The following ASB6 variants were observed in gnomAD, a reference collection of about 807,000 sequenced individuals.
ASB6 encodes ankyrin repeat and SOCS box protein 6.
A neutral mutation model predicts 28.6 loss-of-function variants in ASB6; 24 were observed. The observed-to-expected ratio is 0.84, with a 90% CI of 0.61 to 1.18. The LOEUF is 1.18. Ranked by LOEUF, ASB6 falls within the 50% of genes most tolerant of loss-of-function variation. ASB6 has a pLI of 0.00. For synonymous variants in ASB6, 267 were observed against 243.4 expected (o/e 1.10, Z -0.90); for missense variants, 519 against 559.8 (o/e 0.93, Z 0.74).
In ASB6 at chr9:129,639,413, G is replaced by A. The variant is rs1296654883; in HGVS notation, c.391C>T (p.Arg131Trp). ...GACCTGGCACTTACCCGGTCCCTCCGATTAACGTCGGCCCCGTGATGCACC... is the reference window on the plus strand; with the variant it reads ...GACCTGGCACTTACCCGGTCCCTCCAATTAACGTCGGCCCCGTGATGCACC... Reference protein sequence around the residue: ...LLVHHGADVNRRDRIHESSPL... With the variant: ...LLVHHGADVNWRDRIHESSPL... Residue 131 changes from arginine (R) to tryptophan (W), a missense_variant, in exon 3 of 6, where the codon CGG becomes TGG. Physicochemically the swap from Arg to Trp is moderately radical, Grantham distance 101. Transcript: ENST00000277458. 1.4e-5 allele frequency: 23 copies of A among 1,611,198 alleles called. No homozygotes were observed. The highest frequency in any genetic ancestry group is 3.3e-5 in the Admixed American group (2 of 59,874).
Position 129,636,331 on chromosome 9 carries a change from C to G in ASB6, c.*1459G>C, listed in dbSNP as rs2119001191. ...GGGTGAGCCCGGGAGGCAGAGCTTG[C>G]AGTGAGGTGAGATTGCGCCACTGCA... is the stretch of plus-strand genomic sequence containing the variant. On this transcript the variant is annotated 3_prime_UTR_variant, in exon 6 of 6. Transcript: ENST00000277458. 1 of 151,796 alleles carries G rather than the reference C, an allele frequency of 6.6e-6. No individual in the cohort carries two copies. Among genetic ancestry groups the G allele is most frequent in the East Asian group, 1.9e-4 (1 of 5,144 alleles). The allele number at this position is 151,796 out of a possible 1,614,324, so 9.4% of individuals were successfully genotyped here.
chr9:129,640,554 A>T lies in ASB6; in HGVS notation c.282T>A (p.Asn94Lys). The T allele has an allele frequency of 1.2e-6, 2 of 1,609,796 alleles. No individual in the cohort carries two copies. Among genetic ancestry groups the T allele is most frequent in the Non-Finnish European group, 1.7e-6 (2 of 1,178,816 alleles). Residue 94 changes from asparagine to lysine, a missense_variant, in exon 2 of 6, where the codon AAT becomes AAA. Physicochemically the swap from Asn to Lys is moderately conservative, Grantham distance 94. Coordinates refer to ENST00000277458, the MANE Select transcript of ASB6 (RefSeq NM_017873.4). ...GCTCTCGCTGACCTTCAAAGTTGAG[A>T]TTGGCCCCATGCCGCAAGAGAACGT... ...AADVLLRHGA[N>K]LNFEDPVTYY...
chr9:129,641,727 C>T (rs917770278), intron 1 of ASB6, among the ~76,000 whole-genome samples, 160 bp downstream of exon 1: 2 of 152,116 alleles, frequency 1.3e-5, no homozygotes, highest in African/African-American at 4.8e-5. Flanking sequence ...GAGTGGGATC[C>T]GCGCGGGGCA....
In ASB6 at chr9:129,638,466, G is replaced by A; in HGVS notation, c.599-9C>T. Reference sequence around the variant, plus strand: ...GGCCTTGACGTCTGCCCCTAGAAGAGCCATAGAACAAGAGATGCTGGGAGA... The same window carrying A: ...GGCCTTGACGTCTGCCCCTAGAAGAACCATAGAACAAGAGATGCTGGGAGA... On this transcript the variant is annotated splice_polypyrimidine_tract_variant and intron_variant, in intron 5 of 5. Coordinates refer to ENST00000277458, the MANE Select transcript of ASB6 (RefSeq NM_017873.4). The A allele has an allele frequency of 1.2e-6, 2 of 1,608,824 alleles. No homozygotes were observed. The highest frequency in any genetic ancestry group is 1.7e-6 in the Non-Finnish European group (2 of 1,176,076).
At position 129,637,691 on chromosome 9, in the gene ASB6, CT is replaced by C. The variant is rs572351581; in HGVS notation, c.*98del. 530 of 1,266,244 alleles carry C rather than the reference CT, an allele frequency of 4.2e-4. 2 individuals are homozygous for C. The South Asian group carries it at 4.5e-3, about 11-fold the overall frequency. 78.4% of individuals were successfully genotyped at this position (1,266,244 alleles called of 1,614,324 possible). ...TTTCTCATGAAGGATCCCGTCTCAT[CT>C]CCCAGATCAAAAAGACCCTCTTCTA... On this transcript the variant is annotated 3_prime_UTR_variant, in exon 6 of 6. Transcript: ENST00000277458.
At position 129,634,693 on chromosome 9, in the gene ASB6, G is replaced by A. The variant is rs1488891919; in HGVS notation, c.*3097C>T. 2.7e-5 allele frequency: 6 copies of A among 223,682 alleles called. No individual in the cohort carries two copies. Among genetic ancestry groups the A allele is most frequent in the Non-Finnish European group, 5.3e-5 (6 of 113,352 alleles). 13.9% of individuals were successfully genotyped at this position (223,682 alleles called of 1,614,324 possible). ...CCCTCTTAGCCTAACAGCACACCTC[G>A]AGCGCTGTGCCCTGGGCTGCTGACG... On this transcript the variant is annotated 3_prime_UTR_variant, in exon 6 of 6. Coordinates refer to ENST00000277458, the MANE Select transcript of ASB6 (RefSeq NM_017873.4).
chr9:129,640,148 C>T (rs2119014776), intron 2 of ASB6, among the ~76,000 whole-genome samples: 1 of 152,252 alleles, frequency 6.6e-6, no homozygotes, highest in South Asian at 2.1e-4. Flanking sequence ...CTGTTTTCCC[C>T]TCTCCCTACG....
intron 2 of ASB6, 152 bp downstream of exon 2, chr9:129,640,389 A>C: frequency 9.1e-7 from 1 of 1,104,462 alleles, no homozygotes; most frequent in Non-Finnish European, 1.2e-6. Flanking sequence ...GAGGCCACCC[A>C]ATGGGAGTTT....
Position 129,638,473 on chromosome 9 carries a change from A to G in ASB6, c.599-16T>C, listed in dbSNP as rs774807580. Reference sequence around the variant, plus strand: ...ACGTCTGCCCCTAGAAGAGCCATAGAACAAGAGATGCTGGGAGAAGGCCTT... The same window carrying G: ...ACGTCTGCCCCTAGAAGAGCCATAGGACAAGAGATGCTGGGAGAAGGCCTT... On this transcript the variant is annotated splice_polypyrimidine_tract_variant and intron_variant, in intron 5 of 5. Transcript: ENST00000277458. 19 of 1,608,890 alleles carry G rather than the reference A, an allele frequency of 1.2e-5. No individual in the cohort carries two copies. The highest frequency in any genetic ancestry group is 1.6e-5 in the Non-Finnish European group (19 of 1,176,034).
chr9:129,640,546 A>T lies in ASB6; in HGVS notation c.290T>A (p.Phe97Tyr). ...VLLRHGANLNFEDPVTYYTAL... is the reference protein window; with the variant it reads ...VLLRHGANLNYEDPVTYYTAL... ...CCCCCGGGGCTCTCGCTGACCTTCA[A>T]AGTTGAGATTGGCCCCATGCCGCAA... is the stretch of plus-strand genomic sequence containing the variant. The change falls in exon 2 of 6, where the codon TTT becomes TAT. Residue 97 changes from phenylalanine to tyrosine, a missense_variant. By Grantham distance (22) the Phe-to-Tyr change is conservative. Coordinates refer to ENST00000277458, the MANE Select transcript of ASB6 (RefSeq NM_017873.4). 2 of 1,606,156 alleles carry T rather than the reference A, an allele frequency of 1.2e-6. No homozygotes were observed. The highest frequency in any genetic ancestry group is 1.7e-6 in the Non-Finnish European group (2 of 1,177,198).
At position 129,639,191 on chromosome 9, in the gene ASB6, G is replaced by A. The variant is rs1291474306; in HGVS notation, c.511+11C>T. 14 of 1,594,984 alleles carry A rather than the reference G, an allele frequency of 8.8e-6. No homozygotes were observed. Among genetic ancestry groups the A allele is most frequent in the Non-Finnish European group, 1.2e-5 (14 of 1,169,078 alleles). ...GCCCAGCTGTCCTGCTTTCCTGCAGGAGGCACCCACCATGCTTGTCAGCGG... is the reference window on the plus strand; with the variant it reads ...GCCCAGCTGTCCTGCTTTCCTGCAGAAGGCACCCACCATGCTTGTCAGCGG... On this transcript the variant is annotated intron_variant, in intron 4 of 5. Coordinates refer to ENST00000277458, the MANE Select transcript of ASB6 (RefSeq NM_017873.4).
At chr9:129,641,193 G>A (rs1831689499) in intron 1 of ASB6, 1 of 164,550 alleles carries the variant, frequency 6.1e-6, no homozygotes, top group Non-Finnish European at 1.3e-5. Flanking sequence ...AGCTGATATT[G>A]ATGAAGAAAG....
Position 129,637,909 on chromosome 9 carries a change from T to C in ASB6, c.1147A>G (p.Ile383Val). Residue 383 changes from isoleucine to valine, a missense_variant, in exon 6 of 6, where the codon ATC becomes GTC. Physicochemically the swap from Ile to Val is conservative, Grantham distance 29 (BLOSUM62 3). Coordinates refer to ENST00000277458, the MANE Select transcript of ASB6 (RefSeq NM_017873.4). ...GGCCACGGCTGAAGGTAGAGCCGGA[T>C]GGCCACACGGCACAGGTGCTTGAGG... ...PPLKHLCRVA[I>V]RLYLQPWPVD... 1 of 1,582,708 alleles carries C rather than the reference T, an allele frequency of 6.3e-7. No individual in the cohort carries two copies. The highest frequency in any genetic ancestry group is 8.6e-7 in the Non-Finnish European group (1 of 1,164,072).
In ASB6 at chr9:129,634,951, G is replaced by A; in HGVS notation, c.*2839C>T. ...GGGGCATCATGGTGTGTAGGTATCA[G>A]GCAGGACTTGTAAGCCATCCCGTCA... On this transcript the variant is annotated 3_prime_UTR_variant, in exon 6 of 6. Transcript: ENST00000277458. 2.0e-6 allele frequency: 1 copy of A among 510,624 alleles called. No homozygotes were observed. The highest frequency in any genetic ancestry group is 3.5e-6 in the Non-Finnish European group (1 of 284,380). The allele number at this position is 510,624 out of a possible 1,614,324, so 31.6% of individuals were successfully genotyped here.
rs369053747 is a variant in ASB6, at chr9:129,640,704, G to A, written c.132C>T (p.Ser44=). The A allele has an allele frequency of 1.2e-6, 2 of 1,614,032 alleles. No homozygotes were observed. The highest frequency in any genetic ancestry group is 2.2e-5 in the East Asian group (1 of 44,878). ...ESLDRPSYVA[S]EESRILVLTE... is the part of the protein sequence containing the mutation. ...TGAGAACAAGGATTCGGCTCTCCTC[G>A]CTGGCGACATAACTGGGCCTGGGAC... Residue 44 remains serine, a synonymous_variant, in exon 2 of 6, where the codon AGC becomes AGT. Coordinates refer to ENST00000277458, the MANE Select transcript of ASB6 (RefSeq NM_017873.4).
intron 2 of ASB6, 84 bp from the exon 3 acceptor site, chr9:129,639,592 C>T (rs1831644032): frequency 1.6e-6 from 2 of 1,247,376 alleles, no homozygotes; most frequent in African/African-American, 1.5e-5. Context: ...GCCCCAAACT[C>T]CCACCTAAAG....
Position 129,634,896 on chromosome 9 carries a change from TCACTC to T in ASB6, c.*2889_*2893del. 2.7e-6 allele frequency: 1 copy of T among 369,502 alleles called. No homozygotes were observed. 22.9% of individuals were successfully genotyped at this position (369,502 alleles called of 1,614,324 possible). A position where few individuals can be genotyped will look rare whatever the true frequency, so the allele number is the denominator to read the frequency against. On this transcript the variant is annotated 3_prime_UTR_variant, in exon 6 of 6. Transcript: ENST00000277458. ...GCAATGCCAAACTCTTAGCCCAGGT[TCACTC>T]CTCCGATCCAAGCCTGGCAGGGGTG... is the stretch of plus-strand genomic sequence containing the variant.
At position 129,635,002 on chromosome 9, in the gene ASB6, T is replaced by A; in HGVS notation, c.*2788A>T. 3.3e-6 allele frequency: 2 copies of A among 610,160 alleles called. No individual in the cohort carries two copies. Among genetic ancestry groups the A allele is most frequent in the East Asian group, 5.7e-5 (2 of 35,176 alleles). The allele number at this position is 610,160 out of a possible 1,614,324, so 37.8% of individuals were successfully genotyped here. A position where few individuals can be genotyped will look rare whatever the true frequency, so the allele number is the denominator to read the frequency against. On this transcript the variant is annotated 3_prime_UTR_variant, in exon 6 of 6. Transcript: ENST00000277458. ...AGTCAAATTCTGGCTTAATGTGTCT[T>A]TAGGTAGATGACCTCTGAGCCACAG...
rs1413374291 is a variant in ASB6 at position 129,637,195 on chromosome 9, G to A, written c.*595C>T. On this transcript the variant is annotated 3_prime_UTR_variant, in exon 6 of 6. Coordinates refer to ENST00000277458, the MANE Select transcript of ASB6 (RefSeq NM_017873.4). ...TGCCAGCAGAGCACAGTTCTGGTAG[G>A]TGGGGCCACGGCTGACCTGGCCCCA... 1 of 152,276 alleles carries A rather than the reference G, an allele frequency of 6.6e-6. No homozygotes were observed. The highest frequency in any genetic ancestry group is 1.5e-5 in the Non-Finnish European group (1 of 68,062). The allele number at this position is 152,276 out of a possible 1,614,324, so 9.4% of individuals were successfully genotyped here.
Sources: gnomAD v4.1 joint callset for allele counts (sites outside exome capture counted in the v4.1 genomes callset) on GRCh38, gnomAD v4.1.1 for gene constraint, MANE v1.5 for transcripts, NCBI Gene and HGNC (gene_info 2026-07-23, HGNC 2026-07-21) for gene names.